The following NSMCE2 variants were observed in gnomAD, a reference collection of about 807,000 sequenced individuals.
NSMCE2 encodes E3 SUMO-protein ligase NSE2.
NSMCE2 carries 24 observed loss-of-function variants against 23.8 expected under a neutral mutation model. The observed-to-expected ratio is 1.01, with a 90% CI of 0.73 to 1.42. NSMCE2 has a LOEUF of 1.42. NSMCE2 is among the 40% of genes most tolerant of loss of function. The pLI is 0.00. For missense variants in NSMCE2, 284 were observed against 296.5 expected (o/e 0.96, Z 0.31); for synonymous variants, 92 against 94.1 (o/e 0.98, Z 0.13).
chr8:125,366,326 G>A (rs1303770610), intron 7 of NSMCE2, among the ~76,000 whole-genome samples: 1 of 152,176 alleles, frequency 6.6e-6, no homozygotes, highest in African/African-American at 2.4e-5. Flanking sequence ...GGATCACGAG[G>A]TCAGGAGATC....
intron 3 of NSMCE2, among the ~76,000 whole-genome samples, chr8:125,116,522 A>G (rs1299136914): frequency 6.6e-6 from 1 of 152,152 alleles, no homozygotes; most frequent in African/African-American, 2.4e-5. Context: ...AACTCATCCT[A>G]TTATGGATAG....
At chr8:125,304,081 CATAT>C (rs1452497083) in intron 5 of NSMCE2, among the ~76,000 whole-genome samples, 1 of 152,144 alleles carries the variant, frequency 6.6e-6, no homozygotes, top group Admixed American at 6.6e-5. Context: ...ACTGTACTGA[CATAT>C]ATACAGGATA....
intron 1 of NSMCE2, among the ~76,000 whole-genome samples, chr8:125,097,661 G>C (rs1036127345): frequency 1.3e-5 from 2 of 151,872 alleles, no homozygotes; most frequent in African/African-American, 4.8e-5. Context: ...TTGTGTAATC[G>C]GTTTCTTTTT....
intron 4 of NSMCE2, among the ~76,000 whole-genome samples, chr8:125,178,384 G>A (rs985802168): frequency 1.3e-5 from 2 of 152,080 alleles, no homozygotes; most frequent in Non-Finnish European, 2.9e-5. Flanking sequence ...TGTTGTCAAA[G>A]GGCAGAATTA....
intron 5 of NSMCE2, among the ~76,000 whole-genome samples, chr8:125,259,091 G>T (rs754674453): frequency 6.6e-6 from 1 of 152,100 alleles, no homozygotes. Context: ...TAGTAGAGAC[G>T]GGGTTTCTCC....
intron 3 of NSMCE2, among the ~76,000 whole-genome samples, chr8:125,139,371 C>CT (rs1183525790): frequency 2.0e-5 from 3 of 152,126 alleles, no homozygotes; most frequent in Non-Finnish European, 2.9e-5. Flanking sequence ...TAGCATCACT[C>CT]TTTTTTTGTT....
intron 3 of NSMCE2, among the ~76,000 whole-genome samples, chr8:125,142,215 A>AT (rs1160475542): frequency 6.6e-6 from 1 of 152,150 alleles, no homozygotes; most frequent in Non-Finnish European, 1.5e-5. Context: ...TTTTACCTAC[A>AT]TTATCTCATT....
At chr8:125,351,744 C>T (rs1008190493) in intron 5 of NSMCE2, among the ~76,000 whole-genome samples, 1 of 152,124 alleles carries the variant, frequency 6.6e-6, no homozygotes, top group East Asian at 1.9e-4. Context: ...GGCATGGTGG[C>T]TCACACCTGT....
At chr8:125,225,560 C>T (rs1245246080) in intron 5 of NSMCE2, among the ~76,000 whole-genome samples, 1 of 152,198 alleles carries the variant, frequency 6.6e-6, no homozygotes, top group African/African-American at 2.4e-5. Flanking sequence ...TGAGAAAGTT[C>T]AAAGTCTAAG....
intron 5 of NSMCE2, among the ~76,000 whole-genome samples, chr8:125,345,290 G>A (rs1194133739): frequency 6.6e-6 from 1 of 152,146 alleles, no homozygotes; most frequent in African/African-American, 2.4e-5. Context: ...AATGAACAAT[G>A]GTATGACCTA....
At chr8:125,341,080 A>AT (rs542391711) in intron 5 of NSMCE2, among the ~76,000 whole-genome samples, 4 of 150,930 alleles carry the variant, frequency 2.7e-5, no homozygotes, top group Non-Finnish European at 5.9e-5. Flanking sequence ...ACCTCTCCAT[A>AT]TTTTTTTTTC....
chr8:125,331,969 AGCT>A (rs1829896527), intron 5 of NSMCE2, among the ~76,000 whole-genome samples: 1 of 152,208 alleles, frequency 6.6e-6, no homozygotes, highest in Non-Finnish European at 1.5e-5. Flanking sequence ...AGGAGATCAA[AGCT>A]GCTTTGTGGA....
intron 5 of NSMCE2, among the ~76,000 whole-genome samples, chr8:125,333,519 T>TC (rs1829958998): frequency 9.2e-6 from 1 of 108,770 alleles, no homozygotes; most frequent in Admixed American, 9.5e-5. Context: ...TTTTTTTTTT[T>TC]TTTTTTTTTT....
intron 5 of NSMCE2, among the ~76,000 whole-genome samples, chr8:125,321,902 G>A (rs1273857120): frequency 1.3e-5 from 2 of 152,078 alleles, no homozygotes; most frequent in African/African-American, 4.8e-5. Flanking sequence ...GGTGTGTAGT[G>A]GTATCTCATT....
At chr8:125,212,175 G>C (rs1343147695) in intron 5 of NSMCE2, among the ~76,000 whole-genome samples, 1 of 152,178 alleles carries the variant, frequency 6.6e-6, no homozygotes, top group Non-Finnish European at 1.5e-5. Context: ...GTGAATCTCA[G>C]TGTTCAAACT....
chr8:125,121,028 A>G (rs1819239092), intron 3 of NSMCE2, among the ~76,000 whole-genome samples: 1 of 152,174 alleles, frequency 6.6e-6, no homozygotes, highest in Non-Finnish European at 1.5e-5. Context: ...TGTATTTCTT[A>G]AACTTACTGA....
chr8:125,103,991 CT>C (rs72031823), intron 3 of NSMCE2, among the ~76,000 whole-genome samples: 12,539 of 118,194 alleles, frequency 0.11, 628 homozygotes, highest in South Asian at 0.19. Flanking sequence ...ATTTTGTTGT[CT>C]TTTTTTTTTT....
chr8:125,130,501 G>C (rs377098974), intron 3 of NSMCE2: 2 of 212,656 alleles, frequency 9.4e-6, no homozygotes, highest in Non-Finnish European at 2.0e-5. Flanking sequence ...AAAGAGTTTT[G>C]TTTTCTCTGC....
chr8:125,233,693 A>C (rs1201846728), intron 5 of NSMCE2, among the ~76,000 whole-genome samples: 1 of 152,158 alleles, frequency 6.6e-6, no homozygotes, highest in Non-Finnish European at 1.5e-5. Flanking sequence ...GGGAAAACAG[A>C]GATGGAGGAG....
Sources: allele counts gnomAD v4.1 joint callset (sites outside exome capture counted in the v4.1 genomes callset), GRCh38; gene constraint gnomAD v4.1.1; transcripts MANE v1.5; gene names NCBI Gene and HGNC (gene_info 2026-07-23, HGNC 2026-07-21).